Variants in HSD17B7 observed in about 807,000 individuals in gnomAD.
HSD17B7 encodes the protein 3-keto-steroid reductase/17-beta-hydroxysteroid dehydrogenase 7.
HSD17B7 carries 17 observed loss-of-function variants against 34.1 expected under a neutral mutation model. That is an observed-to-expected ratio of 0.50 (90% CI 0.34 to 0.75). The LOEUF is 0.75. Ranked by LOEUF, HSD17B7 falls within the 30% of genes least tolerant of loss-of-function variation. HSD17B7 has a pLI of 0.01. For synonymous variants in HSD17B7, 122 were observed against 154.6 expected (o/e 0.79, Z 1.56); for missense variants, 296 against 406.6 (o/e 0.73, Z 2.34).
At chr1:162,803,285 C>T (rs1341974220) in intron 5 of HSD17B7, 146 bp from the exon 6 acceptor site, 3 of 1,089,724 alleles carry the variant, frequency 2.8e-6, no homozygotes, top group Admixed American at 6.1e-5. Context: ...AACGTTCTAC[C>T]CAACTTCAGA....
At chr1:162,801,054 A>G (rs116705924) in intron 5 of HSD17B7, among the ~76,000 whole-genome samples, 1,891 of 152,160 alleles carry the variant, frequency 0.012, 30 homozygotes, top group African/African-American at 0.043. Flanking sequence ...ATCATGGCTC[A>G]CTGCAACCTC....
At chr1:162,794,186 G>A (rs1558092185) in intron 2 of HSD17B7, among the ~76,000 whole-genome samples, 3 of 152,080 alleles carry the variant, frequency 2.0e-5, no homozygotes, top group Non-Finnish European at 2.9e-5. Context: ...CAAATATTGA[G>A]GCACTTAAGA....
At position 162,804,282 on chromosome 1, in the gene HSD17B7, A is replaced by C; in HGVS notation, c.763A>C (p.Asn255His). The change falls in exon 7 of 9, where the codon AAT (asparagine) becomes CAT (histidine). Residue 255 changes from asparagine (N) to histidine (H), a missense_variant. Transcript: ENST00000254521. The part of the protein sequence containing the change: ...PAILLLRFFA[N>H]AFTLTPYNGT... Reference sequence around the variant, plus strand: ...TTTTCCGCAGCTTCGCTTTTTTGCAAATGCATTCACTTTGACACCATATAA... The same window carrying C: ...TTTTCCGCAGCTTCGCTTTTTTGCACATGCATTCACTTTGACACCATATAA... 6.2e-7 allele frequency: 1 copy of C among 1,609,816 alleles called. No homozygotes were observed.
At position 162,796,735 on chromosome 1, in the gene HSD17B7, G is replaced by C. The variant is rs1171286742; in HGVS notation, c.332+58G>C. On this transcript the variant is annotated intron_variant, in intron 3 of 8. Coordinates refer to ENST00000254521, the MANE Select transcript of HSD17B7 (RefSeq NM_016371.4). Reference sequence around the variant, plus strand: ...AGGAATGTGTTCATTTTTCTGCCTAGTTTTGATGGCATGTTAAGTTGGGGG... The same window carrying C: ...AGGAATGTGTTCATTTTTCTGCCTACTTTTGATGGCATGTTAAGTTGGGGG... 4 of 1,049,356 alleles carry C rather than the reference G, an allele frequency of 3.8e-6. No homozygotes were observed. In the African/African-American group the frequency reaches 6.2e-5, roughly 16 times the overall value. 65.0% of individuals were successfully genotyped at this position (1,049,356 alleles called of 1,614,324 possible). A position where few individuals can be genotyped will look rare whatever the true frequency, so the allele number is the denominator to read the frequency against.
intron 5 of HSD17B7, among the ~76,000 whole-genome samples, chr1:162,801,700 A>G (rs1001153118): frequency 3.9e-5 from 6 of 152,080 alleles, no homozygotes; most frequent in Admixed American, 1.3e-4. Flanking sequence ...ATGCGTGTAC[A>G]TGTTCTTGTA....
intron 2 of HSD17B7, among the ~76,000 whole-genome samples, chr1:162,795,154 A>G (rs1780012): frequency 0.96 from 145,419 of 152,226 alleles, 69,816 homozygotes; most frequent in East Asian, 1. Flanking sequence ...TCAAGAAACT[A>G]CACCCAGTGG....
intron 8 of HSD17B7, among the ~76,000 whole-genome samples, chr1:162,810,467 T>C (rs1649138141): frequency 6.6e-6 from 1 of 152,234 alleles, no homozygotes; most frequent in Non-Finnish European, 1.5e-5. Context: ...CTATTAGGTC[T>C]GATTGGTGCA....
Position 162,792,793 on chromosome 1 carries a change from TCA to T in HSD17B7, c.172_173del (p.Thr58HisfsTer20). On this transcript the variant is annotated frameshift_variant, in exon 2 of 9. Coordinates refer to ENST00000254521, the MANE Select transcript of HSD17B7 (RefSeq NM_016371.4). LOFTEE classifies it high-confidence loss of function. ...CTGGCCTCTCACCCCACTGCTGAGG[TCA>T]CCATTGTCCAGGTGGATGTCAGCAA... is the stretch of plus-strand genomic sequence containing the variant. 1.2e-6 allele frequency: 2 copies of T among 1,614,210 alleles called. No individual in the cohort carries two copies. Among genetic ancestry groups the T allele is most frequent in the Non-Finnish European group, 1.7e-6 (2 of 1,180,038 alleles).
At chr1:162,808,764 CTGTT>C (rs1481534105) in intron 8 of HSD17B7, among the ~76,000 whole-genome samples, 6 of 152,094 alleles carry the variant, frequency 3.9e-5, no homozygotes, top group Non-Finnish European at 5.9e-5. Context: ...ATTTGGCTCT[CTGTT>C]TGTCTGTTAT....
chr1:162,805,567 C>T, intron 8 of HSD17B7, 75 bp downstream of exon 8: 19 of 1,566,078 alleles, frequency 1.2e-5, no homozygotes, highest in Non-Finnish European at 1.6e-5. Context: ...TGACCAGCCC[C>T]TCAGCCCCCC....
chr1:162,807,028 G>A (rs1346138141), intron 8 of HSD17B7, among the ~76,000 whole-genome samples: 1 of 152,034 alleles, frequency 6.6e-6, no homozygotes, highest in Non-Finnish European at 1.5e-5. Flanking sequence ...CAACGTGCAG[G>A]TTTGTTACAT....
intron 8 of HSD17B7, among the ~76,000 whole-genome samples, chr1:162,809,400 T>A (rs1649098571): frequency 6.6e-6 from 1 of 152,240 alleles, no homozygotes; most frequent in Admixed American, 6.5e-5. Context: ...TTTGCATCAG[T>A]GTTCATCAGG....
chr1:162,794,458 G>A (rs1051523234), intron 2 of HSD17B7, among the ~76,000 whole-genome samples: 2 of 151,714 alleles, frequency 1.3e-5, no homozygotes, highest in Admixed American at 6.6e-5. Context: ...GTTTTCTACC[G>A]CATCTTAAAG....
At chr1:162,811,588 A>G (rs1649172885) in intron 8 of HSD17B7, among the ~76,000 whole-genome samples, 6 of 152,204 alleles carry the variant, frequency 3.9e-5, no homozygotes, top group Admixed American at 1.3e-4. Context: ...TAAACTAGAT[A>G]GAATCTTAAA....
intron 8 of HSD17B7, among the ~76,000 whole-genome samples, chr1:162,806,561 A>C (rs1343300786): frequency 6.6e-6 from 1 of 152,222 alleles, no homozygotes; most frequent in Non-Finnish European, 1.5e-5. Context: ...GAGAAGTTGA[A>C]ACAGTTAAGA....
intron 8 of HSD17B7, among the ~76,000 whole-genome samples, chr1:162,806,310 T>C (rs1375113922): frequency 1.3e-5 from 2 of 152,168 alleles, no homozygotes; most frequent in South Asian, 4.1e-4. Flanking sequence ...GTAACCGGCA[T>C]TGATCTTGGC....
At chr1:162,812,162 C>G (rs1571013727) in intron 8 of HSD17B7, 136 bp from the exon 9 acceptor site, 1 of 1,124,032 alleles carries the variant, frequency 8.9e-7, no homozygotes, top group East Asian at 2.7e-5. Flanking sequence ...TCAGCTTCTT[C>G]CACGTGTCTG....
intron 4 of HSD17B7, chr1:162,799,443 T>C (rs1458056814): frequency 8.7e-6 from 2 of 228,938 alleles, no homozygotes; most frequent in African/African-American, 4.5e-5. Flanking sequence ...GCCATATGTT[T>C]TCTTTTATCA....
intron 2 of HSD17B7, 169 bp downstream of exon 2, chr1:162,793,031 C>CTTTCT (rs1553255527): frequency 5.4e-5 from 19 of 353,072 alleles, no homozygotes; most frequent in South Asian, 2.7e-4. Context: ...CGTTTTCTTT[C>CTTTCT]TTTTTTTTTT....
Sources: gnomAD v4.1 joint callset for allele counts (sites outside exome capture counted in the v4.1 genomes callset) on GRCh38, gnomAD v4.1.1 for gene constraint, MANE v1.5 for transcripts, NCBI Gene and HGNC (gene_info 2026-07-23, HGNC 2026-07-21) for gene names.